Variants in CHERP observed in about 807,000 individuals in gnomAD.
The protein encoded by CHERP is calcium homeostasis endoplasmic reticulum protein.
CHERP carries 8 observed loss-of-function variants against 113.8 expected under a neutral mutation model. The ratio of observed to expected loss-of-function variants is 0.07; its 90% CI spans 0.04 to 0.13. CHERP has a LOEUF of 0.13. Among genes scored for constraint, CHERP ranks in the 10% least tolerant of loss-of-function variants. The pLI, the probability that CHERP is intolerant of heterozygous loss-of-function variation, is 1.00. For synonymous variants in CHERP, 559 were observed against 524.5 expected (o/e 1.07, Z -0.90); for missense variants, 884 against 1,298.2 (o/e 0.68, Z 4.90).
chr19:16,531,136 G>A (rs911229380), intron 5 of CHERP, among the ~76,000 whole-genome samples: 1 of 152,230 alleles, frequency 6.6e-6, no homozygotes, highest in South Asian at 2.1e-4. Flanking sequence ...TTTTGGTCCA[G>A]TCCCCTTGAT....
At chr19:16,538,412 C>T (rs931460451) in intron 2 of CHERP, among the ~76,000 whole-genome samples, 5 of 152,362 alleles carry the variant, frequency 3.3e-5, no homozygotes, top group South Asian at 2.1e-4. Flanking sequence ...TGGCTGGGTA[C>T]GATGGCTCAC....
rs1003128934 is a variant in CHERP at position 16,518,053 on chromosome 19, TTGGAAGATTTTGCATCTTATTGAAAAGA to T, written c.*1078_*1105del. ...ATATTCATCACGTTGGGTTGAAAAG[TTGGAAGATTTTGCATCTTATTGAAAAGA>T]ATTTTTCAAAAATGTTTCTGTACAA... On this transcript the variant is annotated 3_prime_UTR_variant, in exon 17 of 17. Coordinates refer to ENST00000546361, the MANE Select transcript of CHERP (RefSeq NM_006387.6). 1 of 152,126 alleles carries T rather than the reference TTGGAAGATTTTGCATCTTATTGAAAAGA, an allele frequency of 6.6e-6. No individual in the cohort carries two copies. Among genetic ancestry groups the T allele is most frequent in the Non-Finnish European group, 1.5e-5 (1 of 68,022 alleles). 9.4% of individuals were successfully genotyped at this position (152,126 alleles called of 1,614,324 possible).
chr19:16,522,940 G>T (rs369555040), intron 11 of CHERP, 112 bp downstream of exon 11: 3 of 1,273,738 alleles, frequency 2.4e-6, no homozygotes, highest in Non-Finnish European at 2.1e-6. Context: ...GGGAGTGGGA[G>T]ATGAAGGGGA....
chr19:16,528,362 G>T, intron 8 of CHERP, 107 bp from the exon 9 acceptor site: 2 of 1,125,154 alleles, frequency 1.8e-6, no homozygotes, highest in Non-Finnish European at 2.5e-6. Context: ...GTGCCCAGTG[G>T]ATGATCGCTT....
Position 16,532,589 on chromosome 19 carries a change from G to A in CHERP, c.674+9C>T, listed in dbSNP as rs562498018. 9.4e-6 allele frequency: 15 copies of A among 1,588,184 alleles called. No homozygotes were observed. Among genetic ancestry groups the A allele is most frequent in the African/African-American group, 6.7e-5 (5 of 74,698 alleles). On this transcript the variant is annotated intron_variant, in intron 5 of 16. Transcript: ENST00000546361. This position sits in a 1 kb window ranked among gnomAD's most constrained non-coding sequence, Gnocchi z 4.4. ...AGTGGCGCTCTGGGCACGGGGTGGCGGCGCTCACCAGTGGTGCAGCACGTC... is the reference window on the plus strand; with the variant it reads ...AGTGGCGCTCTGGGCACGGGGTGGCAGCGCTCACCAGTGGTGCAGCACGTC...
intron 8 of CHERP, among the ~76,000 whole-genome samples, chr19:16,528,954 A>G (rs557313433): frequency 3.3e-4 from 50 of 152,254 alleles, no homozygotes; most frequent in Admixed American, 5.2e-4. Flanking sequence ...CTCCATCTCA[A>G]AAAAAAATCA....
rs1051805804 is a variant in CHERP, at chr19:16,523,501, G to A, written c.1742-211C>T. 2.6e-5 allele frequency among the ~76,000 whole-genome samples: 4 copies of A among 152,122 alleles called. No homozygotes were observed. The highest frequency in any genetic ancestry group is 5.9e-5 in the Non-Finnish European group (4 of 68,028). On this transcript the variant is annotated intron_variant, in intron 10 of 16. Transcript: ENST00000546361. This position sits in a 1 kb window ranked among gnomAD's most constrained non-coding sequence, Gnocchi z 4.0. ...TCCCGCACCCATAGGCACAGCCGAG[G>A]GAGCTTGAGGCTGAGAGAAGAGAAC...
rs2085717162 is a variant in CHERP at position 16,532,990 on chromosome 19, TG to T, written c.522+20del. The stretch of plus-strand genomic sequence containing the variant: ...GAGGGACCAAGGGAAAGCTGGGCTC[TG>T]GGAAGTGCTGGCCCCTCACCGAGAT... On this transcript the variant is annotated intron_variant, in intron 4 of 16. Transcript: ENST00000546361. This position sits in a 1 kb window ranked among gnomAD's most constrained non-coding sequence, Gnocchi z 4.4. 1.3e-6 allele frequency: 2 copies of T among 1,559,760 alleles called. No homozygotes were observed. Among genetic ancestry groups the T allele is most frequent in the Non-Finnish European group, 8.7e-7 (1 of 1,151,176 alleles).
chr19:16,520,723 G>T lies in CHERP; in HGVS notation c.2201+103C>A. 7.9e-7 allele frequency: 1 copy of T among 1,258,074 alleles called. No homozygotes were observed. Among genetic ancestry groups the T allele is most frequent in the Non-Finnish European group, 1.2e-6 (1 of 866,268 alleles). The allele number at this position is 1,258,074 out of a possible 1,614,324, so 77.9% of individuals were successfully genotyped here. On this transcript the variant is annotated intron_variant, in intron 13 of 16. Coordinates refer to ENST00000546361, the MANE Select transcript of CHERP (RefSeq NM_006387.6). This position sits in a 1 kb window ranked among gnomAD's most constrained non-coding sequence, Gnocchi z 4.0. ...GGAAAACACCGCCCCATAGGCACAG[G>T]CTGTGTGAGGGTGGACGTGATGAGT...
chr19:16,542,289 G>T, intron 1 of CHERP, 65 bp downstream of exon 1: 1 of 1,348,952 alleles, frequency 7.4e-7, no homozygotes, highest in Non-Finnish European at 9.7e-7. Flanking sequence ...ACTCCGGGAG[G>T]CGGGGCCGGC....
In CHERP at chr19:16,542,414, C is replaced by A. The variant is rs374920952; in HGVS notation, c.-36G>T. 3,235 of 1,338,582 alleles carry A rather than the reference C, an allele frequency of 2.4e-3. 7 individuals are homozygous for A. The highest frequency in any genetic ancestry group is 8.7e-3 in the Middle Eastern group (43 of 4,968). The allele number at this position is 1,338,582 out of a possible 1,614,324, so 82.9% of individuals were successfully genotyped here. A position where few individuals can be genotyped will look rare whatever the true frequency, so the allele number is the denominator to read the frequency against. On this transcript the variant is annotated 5_prime_UTR_variant, in exon 1 of 17. Coordinates refer to ENST00000546361, the MANE Select transcript of CHERP (RefSeq NM_006387.6). ...GCGGGGAACGTCCTCCGGCGCCACA[C>A]GATCGACCACCAGCGCCGTCTGCGG...
intron 3 of CHERP, among the ~76,000 whole-genome samples, chr19:16,533,971 G>C (rs561626453): frequency 8.4e-4 from 128 of 152,228 alleles, no homozygotes; most frequent in Non-Finnish European, 1.3e-3. Flanking sequence ...GCGGACCAGC[G>C]GTCAGTTACG....
At chr19:16,534,911 AC>A in intron 3 of CHERP, among the ~76,000 whole-genome samples, 1 of 152,244 alleles carries the variant, frequency 6.6e-6, no homozygotes, top group Non-Finnish European at 1.5e-5. Context: ...CTCCATCTCT[AC>A]TACAAATAGA....
Position 16,530,477 on chromosome 19 carries a change from T to C in CHERP, c.876+108A>G. 3 of 991,324 alleles carry C rather than the reference T, an allele frequency of 3.0e-6. No individual in the cohort carries two copies. The highest frequency in any genetic ancestry group is 4.8e-6 in the Non-Finnish European group (3 of 628,250). The allele number at this position is 991,324 out of a possible 1,614,324, so 61.4% of individuals were successfully genotyped here. On this transcript the variant is annotated intron_variant, in intron 7 of 16. Transcript: ENST00000546361. The surrounding 1 kb of genome is among the most constrained non-coding windows in gnomAD (Gnocchi z 4.1). Reference sequence around the variant, plus strand: ...CTACTCCTAGCACAGGCAGGGGACATGGGCTCTCTGGCTGCTGGGGTGGCA... The same window carrying C: ...CTACTCCTAGCACAGGCAGGGGACACGGGCTCTCTGGCTGCTGGGGTGGCA...
At chr19:16,541,741 C>T in intron 2 of CHERP, 129 bp downstream of exon 2, 3 of 949,860 alleles carry the variant, frequency 3.2e-6, no homozygotes, top group Non-Finnish European at 4.8e-6. Context: ...GAACAGGGAT[C>T]GTGTGGACCG....
chr19:16,536,150 C>T (rs1315873840), intron 2 of CHERP, among the ~76,000 whole-genome samples: 1 of 152,224 alleles, frequency 6.6e-6, no homozygotes, highest in Non-Finnish European at 1.5e-5. Flanking sequence ...CACACTGCGG[C>T]CTCCCCCACA....
At chr19:16,522,781 C>A (rs907488849) in intron 11 of CHERP, among the ~76,000 whole-genome samples, 1 of 152,126 alleles carries the variant, frequency 6.6e-6, no homozygotes, top group African/African-American at 2.4e-5. Flanking sequence ...AGAGAGGACT[C>A]GAGCCTCATA....
chr19:16,528,014 TA>T, intron 9 of CHERP, 65 bp downstream of exon 9: 4 of 1,501,968 alleles, frequency 2.7e-6, no homozygotes, highest in Non-Finnish European at 3.7e-6. Context: ...CCAACTGGCA[TA>T]GGGGAGGCTA....
rs1207960630 is a variant in CHERP, at chr19:16,530,211, G to A, written c.877-311C>T. Among the ~76,000 whole-genome samples the A allele has an allele frequency of 3.3e-5, 5 of 152,212 alleles. No individual in the cohort carries two copies. Among genetic ancestry groups the A allele is most frequent in the African/African-American group, 9.7e-5 (4 of 41,444 alleles). ...ACTGCCCACCAACATTCTGGGACAC[G>A]CTCATGGGCTCTGCCTCCCACTCGC... On this transcript the variant is annotated intron_variant, in intron 7 of 16. Transcript: ENST00000546361. This position sits in a 1 kb window ranked among gnomAD's most constrained non-coding sequence, Gnocchi z 4.1.
Sources: allele counts gnomAD v4.1 joint callset (sites outside exome capture counted in the v4.1 genomes callset), GRCh38; gene constraint gnomAD v4.1.1; non-coding constraint Gnocchi (gnomAD v3.1); transcripts MANE v1.5; gene names NCBI Gene and HGNC (gene_info 2026-07-23, HGNC 2026-07-21).